Variants in SSBP3 observed in about 807,000 individuals in gnomAD.
The protein encoded by SSBP3 is single-stranded DNA-binding protein 3.
In SSBP3, 5 loss-of-function variants were observed where a neutral mutation model predicts 69.6. That is an observed-to-expected ratio of 0.07 (90% CI 0.04 to 0.15). The LOEUF is 0.15. SSBP3 is among the 10% of genes least tolerant of loss of function. The pLI is 1.00. For missense variants in SSBP3, 312 were observed against 534.0 expected (o/e 0.58, Z 4.10); for synonymous variants, 196 against 193.4 (o/e 1.01, Z -0.11).
At chr1:54,267,799 A>G (rs1645127135) in intron 5 of SSBP3, among the ~76,000 whole-genome samples, 1 of 152,162 alleles carries the variant, frequency 6.6e-6, no homozygotes, top group Non-Finnish European at 1.5e-5. Context: ...CCCTCTCTCA[A>G]GTTGGAGACT....
At chr1:54,259,815 G>A (rs1288083562) in intron 5 of SSBP3, among the ~76,000 whole-genome samples, 4 of 152,238 alleles carry the variant, frequency 2.6e-5, no homozygotes, top group South Asian at 2.1e-4. Flanking sequence ...GCTCACTTCC[G>A]GAAAGCTCCG....
intron 3 of SSBP3, among the ~76,000 whole-genome samples, chr1:54,404,188 A>G (rs928753919): frequency 6.6e-6 from 1 of 152,146 alleles, no homozygotes; most frequent in East Asian, 1.9e-4. Flanking sequence ...AGGAAGGGAC[A>G]GGCTAGTTGT....
chr1:54,317,761 TTTTG>T (rs1041036351), intron 4 of SSBP3, among the ~76,000 whole-genome samples: 3 of 151,808 alleles, frequency 2.0e-5, no homozygotes, highest in Admixed American at 1.3e-4. Flanking sequence ...TCCTCTGTGT[TTTTG>T]TTTGTTTTTG....
chr1:54,400,581 A>G (rs1570061251), intron 4 of SSBP3, among the ~76,000 whole-genome samples: 1 of 152,222 alleles, frequency 6.6e-6, no homozygotes, highest in South Asian at 2.1e-4. Flanking sequence ...AGTACCATTC[A>G]TCAGCTTCTC....
intron 4 of SSBP3, among the ~76,000 whole-genome samples, chr1:54,374,935 G>A (rs1420211063): frequency 1.3e-5 from 2 of 152,200 alleles, no homozygotes; most frequent in Admixed American, 6.5e-5. Flanking sequence ...CCAGAGAGGG[G>A]GAGGGGACGA....
At chr1:54,389,480 C>T (rs575657138) in intron 4 of SSBP3, among the ~76,000 whole-genome samples, 44 of 152,044 alleles carry the variant, frequency 2.9e-4, no homozygotes, top group Non-Finnish European at 4.9e-4. Context: ...GGCTCATCTC[C>T]GTCAGGACCC....
At chr1:54,323,969 C>T (rs1398858647) in intron 4 of SSBP3, among the ~76,000 whole-genome samples, 1 of 152,222 alleles carries the variant, frequency 6.6e-6, no homozygotes, top group Non-Finnish European at 1.5e-5. Context: ...GCCAGCATCG[C>T]ACTAAGTATT....
At chr1:54,354,687 C>G (rs12145680) in intron 4 of SSBP3, among the ~76,000 whole-genome samples, 6 of 151,946 alleles carry the variant, frequency 3.9e-5, no homozygotes, top group Admixed American at 3.9e-4. Flanking sequence ...GCCCACTCCC[C>G]GCTCCCTCAC....
chr1:54,397,391 G>A (rs1389666801), intron 4 of SSBP3, among the ~76,000 whole-genome samples: 1 of 152,182 alleles, frequency 6.6e-6, no homozygotes, highest in Non-Finnish European at 1.5e-5. Flanking sequence ...AACCCACCAA[G>A]GACGCTGGAC....
At chr1:54,316,095 A>C (rs1646092245) in intron 4 of SSBP3, among the ~76,000 whole-genome samples, 1 of 152,118 alleles carries the variant, frequency 6.6e-6, no homozygotes, top group South Asian at 2.1e-4. Flanking sequence ...CTGTAATCCC[A>C]GCACTTTGGG....
upstream of SSBP3, among the ~76,000 whole-genome samples, chr1:54,408,256 G>A (rs1330302729): frequency 6.6e-6 from 1 of 152,160 alleles, no homozygotes; most frequent in Admixed American, 6.5e-5. Context: ...ATGGAGGTTG[G>A]GAGTTGGAAT....
chr1:54,229,795 C>T (rs1350126730), intron 14 of SSBP3, among the ~76,000 whole-genome samples: 6 of 152,056 alleles, frequency 3.9e-5, no homozygotes, highest in East Asian at 1.9e-4. Flanking sequence ...GGCACCTGGC[C>T]GGGACTGGGT....
intron 5 of SSBP3, among the ~76,000 whole-genome samples, chr1:54,265,027 T>TA (rs756327584): frequency 1.3e-5 from 2 of 152,306 alleles, no homozygotes; most frequent in Non-Finnish European, 2.9e-5. Context: ...AGGCACTTGA[T>TA]AGACAATCCA....
intron 5 of SSBP3, among the ~76,000 whole-genome samples, chr1:54,276,655 A>C (rs1645294166): frequency 6.9e-6 from 1 of 145,036 alleles, no homozygotes; most frequent in African/African-American, 2.6e-5. Context: ...CTTTCTGAGC[A>C]TTGGCCACAG....
At chr1:54,344,063 G>A (rs985050529) in intron 4 of SSBP3, among the ~76,000 whole-genome samples, 4 of 152,154 alleles carry the variant, frequency 2.6e-5, no homozygotes, top group African/African-American at 7.2e-5. Context: ...CTGGGGGTGC[G>A]GGGCATGATG....
chr1:54,340,617 G>T (rs1427539980), intron 4 of SSBP3, among the ~76,000 whole-genome samples: 2 of 152,214 alleles, frequency 1.3e-5, no homozygotes, highest in African/African-American at 4.8e-5. Flanking sequence ...TGCAAATTTT[G>T]CTTCATCACC....
At chr1:54,251,286 G>T (rs943805862) in intron 9 of SSBP3, among the ~76,000 whole-genome samples, 3 of 152,200 alleles carry the variant, frequency 2.0e-5, no homozygotes, top group Non-Finnish European at 4.4e-5. Flanking sequence ...CAGCTCTGGG[G>T]TTCAGGAGCT....
At chr1:54,353,534 G>C (rs551877846) in intron 4 of SSBP3, among the ~76,000 whole-genome samples, 1 of 152,318 alleles carries the variant, frequency 6.6e-6, no homozygotes, top group Admixed American at 6.5e-5. Flanking sequence ...ACCAAGTCAA[G>C]ATTTCTCCCA....
intron 17 of SSBP3, 21 bp from the exon 18 acceptor site, chr1:54,227,181 AGGGGGG>A: frequency 1.5e-5 from 8 of 525,084 alleles, no homozygotes; most frequent in Non-Finnish European, 2.4e-5. Flanking sequence ...GAAGCAGAGA[AGGGGGG>A]GGGGTGAGGA....
Sources: allele counts gnomAD v4.1 joint callset (sites outside exome capture counted in the v4.1 genomes callset), GRCh38; gene constraint gnomAD v4.1.1; transcripts MANE v1.5; gene names NCBI Gene and HGNC (gene_info 2026-07-23, HGNC 2026-07-21).